Variants in RSRC1 observed in about 807,000 individuals in gnomAD.
RSRC1 encodes the protein serine/Arginine-related protein 53.
RSRC1 carries 39 observed loss-of-function variants against 49.1 expected under a neutral mutation model. The observed-to-expected ratio is 0.79, with a 90% CI of 0.61 to 1.04. RSRC1 has a LOEUF of 1.04. Among genes scored for constraint, RSRC1 ranks in the 50% least tolerant of loss-of-function variants. RSRC1 has a pLI of 0.00. For synonymous variants in RSRC1, 143 were observed against 130.8 expected, an observed-to-expected ratio of 1.09 and a Z score of -0.63; for missense variants, 388 against 402.4, an observed-to-expected ratio of 0.96 and a Z score of 0.31.
At chr3:158,273,762 G>A (rs547766674) in intron 4 of RSRC1, among the ~76,000 whole-genome samples, 32 of 152,190 alleles carry the variant, frequency 2.1e-4, no homozygotes, top group African/African-American at 7.7e-4. Context: ...ATCTTGGAGG[G>A]AAAATATGTA....
At chr3:158,522,316 T>TC (rs1433220600) in intron 7 of RSRC1, among the ~76,000 whole-genome samples, 1 of 152,090 alleles carries the variant, frequency 6.6e-6, no homozygotes, top group African/African-American at 2.4e-5. Context: ...ACTTTTTTTT[T>TC]CTCCCCTTTG....
intron 5 of RSRC1, chr3:158,336,527 A>T (rs1332388714): frequency 6.5e-6 from 1 of 154,578 alleles, no homozygotes; most frequent in East Asian, 1.8e-4. Flanking sequence ...TGTGGAGGTG[A>T]CACGGTTCAT....
At chr3:158,428,547 TA>T (rs1406080071) in intron 6 of RSRC1, among the ~76,000 whole-genome samples, 1 of 151,806 alleles carries the variant, frequency 6.6e-6, no homozygotes, top group Non-Finnish European at 1.5e-5. Context: ...AGAACCATAT[TA>T]AATCATTCAT....
intron 4 of RSRC1, among the ~76,000 whole-genome samples, chr3:158,246,046 G>A (rs191121413): frequency 1.3e-5 from 2 of 152,242 alleles, no homozygotes; most frequent in South Asian, 2.1e-4. Context: ...TTTAAGGATA[G>A]CATTGTTCGC....
intron 3 of RSRC1, among the ~76,000 whole-genome samples, chr3:158,164,488 A>G (rs1398742403): frequency 6.6e-6 from 1 of 152,132 alleles, no homozygotes; most frequent in African/African-American, 2.4e-5. Context: ...ATTTATGATT[A>G]CAAAAAGAAT....
At chr3:158,173,995 G>T (rs1719044505) in intron 3 of RSRC1, among the ~76,000 whole-genome samples, 1 of 151,804 alleles carries the variant, frequency 6.6e-6, no homozygotes. Flanking sequence ...TTTTCTCTGG[G>T]TGAAGAAAAT....
chr3:158,411,752 A>AT (rs1378948061), intron 6 of RSRC1, among the ~76,000 whole-genome samples: 3 of 151,940 alleles, frequency 2.0e-5, no homozygotes, highest in Non-Finnish European at 2.9e-5. Context: ...AGGCATTTGG[A>AT]TTTTTTATTT....
intron 7 of RSRC1, among the ~76,000 whole-genome samples, chr3:158,516,745 G>A (rs544260426): frequency 1.9e-4 from 29 of 152,324 alleles, no homozygotes; most frequent in African/African-American, 3.6e-4. Flanking sequence ...AGCAATCAGC[G>A]AGACTCCGTG....
chr3:158,354,797 C>T (rs1258697139), intron 5 of RSRC1, 60 bp from the exon 6 acceptor site: 2 of 1,229,664 alleles, frequency 1.6e-6, no homozygotes, highest in African/African-American at 3.2e-5. Context: ...AAAACTCCAT[C>T]AATTAAAACT....
chr3:158,187,160 C>T (rs896450032), intron 3 of RSRC1, among the ~76,000 whole-genome samples: 70 of 152,042 alleles, frequency 4.6e-4, no homozygotes, highest in African/African-American at 1.5e-3. Context: ...AACAAAACAG[C>T]TGTCCCCCAA....
At chr3:158,268,561 A>T (rs1243933434) in intron 4 of RSRC1, among the ~76,000 whole-genome samples, 1 of 152,234 alleles carries the variant, frequency 6.6e-6, no homozygotes, top group Non-Finnish European at 1.5e-5. Context: ...TCCCAACACC[A>T]GAAAATAATA....
In RSRC1 at chr3:158,149,611, G is replaced by A. The variant is rs116021562; in HGVS notation, c.320+25620G>A. On this transcript the variant is annotated intron_variant, in intron 3 of 9. Transcript: ENST00000611884. Reference sequence around the variant, plus strand: ...GTAAAATATATTTGGAGGGAAGAGGGTAAATTATTTGAGAAAATTAGGTAT... The same window carrying A: ...GTAAAATATATTTGGAGGGAAGAGGATAAATTATTTGAGAAAATTAGGTAT... Among the ~76,000 whole-genome samples the A allele has an allele frequency of 2.4e-3, 372 of 152,214 alleles. 1 individual carries two copies. The highest frequency in any genetic ancestry group is 8.6e-3 in the African/African-American group (358 of 41,540).
At chr3:158,346,262 C>T (rs1730549770) in intron 5 of RSRC1, among the ~76,000 whole-genome samples, 1 of 152,074 alleles carries the variant, frequency 6.6e-6, no homozygotes, top group Non-Finnish European at 1.5e-5. Context: ...CAATGAGCTA[C>T]AGTCCTGCCA....
chr3:158,398,380 T>G (rs1048908406), intron 6 of RSRC1, among the ~76,000 whole-genome samples: 11 of 151,988 alleles, frequency 7.2e-5, no homozygotes, highest in African/African-American at 2.7e-4. Flanking sequence ...TGGTATCTGG[T>G]GAGGGCCAGG....
chr3:158,285,265 G>A (rs1347450616), intron 4 of RSRC1, among the ~76,000 whole-genome samples: 9 of 152,110 alleles, frequency 5.9e-5, no homozygotes, highest in Non-Finnish European at 1.2e-4. Flanking sequence ...CTCTGTTTTG[G>A]TAGCAGTACC....
At chr3:158,438,116 G>A (rs938698805) in intron 6 of RSRC1, among the ~76,000 whole-genome samples, 19 of 152,136 alleles carry the variant, frequency 1.2e-4, no homozygotes, top group Admixed American at 7.2e-4. Context: ...TACAAGGGAT[G>A]TGAAGGACCT....
At chr3:158,139,356 A>G (rs1029554475) in intron 3 of RSRC1, among the ~76,000 whole-genome samples, 1 of 152,080 alleles carries the variant, frequency 6.6e-6, no homozygotes. Flanking sequence ...CAGTGAGCTG[A>G]GATCGCGCCA....
intron 4 of RSRC1, among the ~76,000 whole-genome samples, chr3:158,204,491 G>A (rs1342659684): frequency 1.3e-5 from 2 of 152,152 alleles, no homozygotes; most frequent in African/African-American, 4.8e-5. Flanking sequence ...GGAGTTAGAA[G>A]TTAGATACCT....
At chr3:158,131,177 G>A (rs1280627291) in intron 3 of RSRC1, among the ~76,000 whole-genome samples, 1 of 150,798 alleles carries the variant, frequency 6.6e-6, no homozygotes, top group East Asian at 1.9e-4. Flanking sequence ...TAAGTTCTAG[G>A]GTACATGTGC....
Sources: allele counts gnomAD v4.1 joint callset (sites outside exome capture counted in the v4.1 genomes callset), GRCh38; gene constraint gnomAD v4.1.1; transcripts MANE v1.5; gene names NCBI Gene and HGNC (gene_info 2026-07-23, HGNC 2026-07-21).